Variants in B3GALT1 observed in about 807,000 individuals in gnomAD.
B3GALT1 encodes beta-1,3-galactosyltransferase 1.
B3GALT1 carries 10 observed loss-of-function variants against 23.2 expected under a neutral mutation model. That is an observed-to-expected ratio of 0.43 (90% CI 0.27 to 0.73). B3GALT1 has a LOEUF of 0.73. Among genes scored for constraint, B3GALT1 ranks in the 30% least tolerant of loss-of-function variants. B3GALT1 has a pLI of 0.21. For missense variants in B3GALT1, 299 were observed against 405.4 expected (o/e 0.74, Z 2.25); for synonymous variants, 156 against 141.5 (o/e 1.10, Z -0.73).
intron 2 of B3GALT1, among the ~76,000 whole-genome samples, chr2:167,581,530 A>G (rs188223213): frequency 1.8e-4 from 28 of 152,320 alleles, no homozygotes; most frequent in Non-Finnish European, 3.8e-4. Flanking sequence ...GCTTTAAAAC[A>G]CTTCTTAAAC....
chr2:167,759,816 A>C (rs561131705), intron 3 of B3GALT1, among the ~76,000 whole-genome samples: 9 of 152,276 alleles, frequency 5.9e-5, no homozygotes, highest in Non-Finnish European at 1.0e-4. Flanking sequence ...CTACTGTGTT[A>C]TCTTGCAAAG....
At chr2:167,405,203 A>G (rs1228833782) in intron 1 of B3GALT1, among the ~76,000 whole-genome samples, 2 of 152,156 alleles carry the variant, frequency 1.3e-5, no homozygotes, top group Non-Finnish European at 2.9e-5. Flanking sequence ...AAATGCTATT[A>G]TTTAAGTATC....
chr2:167,344,869 C>G (rs775384313), intron 1 of B3GALT1, among the ~76,000 whole-genome samples: 3 of 152,114 alleles, frequency 2.0e-5, no homozygotes, highest in Non-Finnish European at 4.4e-5. Flanking sequence ...GCTTAATTTT[C>G]TTCCAGTCAT....
chr2:167,462,080 A>G (rs1339562553), intron 1 of B3GALT1, among the ~76,000 whole-genome samples: 1 of 152,240 alleles, frequency 6.6e-6, no homozygotes, highest in Non-Finnish European at 1.5e-5. Context: ...GATGCACAAT[A>G]CACACCATTG....
chr2:167,676,830 C>T (rs1356958138), intron 3 of B3GALT1, among the ~76,000 whole-genome samples: 1 of 152,106 alleles, frequency 6.6e-6, no homozygotes, highest in African/African-American at 2.4e-5. Flanking sequence ...AGCCACCGCG[C>T]CTGGCCCCAA....
chr2:167,839,288 C>G (rs1429050382), intron 4 of B3GALT1, among the ~76,000 whole-genome samples: 66 of 151,046 alleles, frequency 4.4e-4, no homozygotes, highest in African/African-American at 1.5e-3. Flanking sequence ...CCCATTGTCT[C>G]AGCCCAAAAT....
In B3GALT1 at chr2:167,843,550, G is replaced by T. The variant is rs537664672; in HGVS notation, c.-230+24757G>T. On this transcript the variant is annotated intron_variant, in intron 4 of 4. Transcript: ENST00000392690. ...CTATGGTGCTGGAGACACTACCTAGGATAGAAGTGATGTGTCTTTGTCATT... is the reference window on the plus strand; with the variant it reads ...CTATGGTGCTGGAGACACTACCTAGTATAGAAGTGATGTGTCTTTGTCATT... Among the ~76,000 whole-genome samples, 10 of 152,272 alleles carry T rather than the reference G, an allele frequency of 6.6e-5. 1 individual carries two copies. In the South Asian group the frequency reaches 2.1e-3, roughly 32 times the overall value.
intron 3 of B3GALT1, among the ~76,000 whole-genome samples, chr2:167,663,381 T>A (rs1465921570): frequency 6.6e-6 from 1 of 151,584 alleles, no homozygotes; most frequent in Non-Finnish European, 1.5e-5. Flanking sequence ...TTGGGTTGGT[T>A]CCAAGTCTTT....
chr2:167,326,404 ATTGT>A (rs919299330), intron 1 of B3GALT1, among the ~76,000 whole-genome samples: 8 of 151,820 alleles, frequency 5.3e-5, no homozygotes, highest in Admixed American at 2.0e-4. Flanking sequence ...TACTCTGTTG[ATTGT>A]TTGGCTGTAC....
chr2:167,473,703 A>G (rs1699449842), intron 1 of B3GALT1, among the ~76,000 whole-genome samples: 1 of 152,132 alleles, frequency 6.6e-6, no homozygotes, highest in Admixed American at 6.6e-5. Flanking sequence ...GAAGGTGACC[A>G]CATGAGTGAA....
chr2:167,687,532 T>C (rs561630908), intron 3 of B3GALT1, among the ~76,000 whole-genome samples: 49 of 152,316 alleles, frequency 3.2e-4, no homozygotes, highest in African/African-American at 1.2e-3. Flanking sequence ...GCAAGGATTA[T>C]ATTTAACAAT....
chr2:167,311,106 A>G (rs964572200), intron 1 of B3GALT1, among the ~76,000 whole-genome samples: 1 of 152,126 alleles, frequency 6.6e-6, no homozygotes, highest in Non-Finnish European at 1.5e-5. Context: ...TTTAAGTCCT[A>G]CTATAGCATT....
At chr2:167,774,485 GTTTTTTTTTTTGT>G (rs1368699832) in intron 3 of B3GALT1, among the ~76,000 whole-genome samples, 16,022 of 105,078 alleles carry the variant, frequency 0.15, 1,504 homozygotes, top group East Asian at 0.27. Context: ...TTTTTTTTTT[GTTTTTTTTTTTGT>G]TTTTTTTTTT....
At chr2:167,426,766 G>C (rs898666376) in intron 1 of B3GALT1, among the ~76,000 whole-genome samples, 1 of 152,122 alleles carries the variant, frequency 6.6e-6, no homozygotes. Flanking sequence ...ATGCACTGCC[G>C]ATAAGTGTAT....
intron 1 of B3GALT1, among the ~76,000 whole-genome samples, chr2:167,476,119 G>A (rs1392521532): frequency 6.6e-6 from 1 of 152,122 alleles, no homozygotes; most frequent in African/African-American, 2.4e-5. Context: ...GGTCTTCAGG[G>A]TCAGGACTTC....
At chr2:167,511,575 A>G (rs1331255631) in intron 2 of B3GALT1, among the ~76,000 whole-genome samples, 1 of 152,194 alleles carries the variant, frequency 6.6e-6, no homozygotes, top group Admixed American at 6.5e-5. Context: ...CAGCATGAAA[A>G]CAGTCTAATA....
At chr2:167,793,517 C>T (rs1013040444) in intron 3 of B3GALT1, among the ~76,000 whole-genome samples, 2 of 151,872 alleles carry the variant, frequency 1.3e-5, no homozygotes, top group Admixed American at 1.3e-4. Context: ...TAGAATTAAC[C>T]TGGTCTACTG....
intron 2 of B3GALT1, among the ~76,000 whole-genome samples, chr2:167,560,654 TC>T (rs919280272): frequency 3.3e-5 from 5 of 151,474 alleles, no homozygotes; most frequent in Admixed American, 2.0e-4. Context: ...GGGGTTGCAA[TC>T]CTAGTCTCTG....
intron 3 of B3GALT1, among the ~76,000 whole-genome samples, chr2:167,754,581 A>G (rs1687787219): frequency 1.3e-5 from 2 of 152,184 alleles, no homozygotes; most frequent in African/African-American, 2.4e-5. Context: ...GCTAAAATCA[A>G]CAGAGATCAA....
Sources: allele counts gnomAD v4.1 joint callset (sites outside exome capture counted in the v4.1 genomes callset), GRCh38; gene constraint gnomAD v4.1.1; transcripts MANE v1.5; gene names NCBI Gene and HGNC (gene_info 2026-07-23, HGNC 2026-07-21).